The following WRAP53 variants were observed in gnomAD, a reference collection of about 807,000 sequenced individuals.
WRAP53 encodes the protein WD repeat containing antisense to TP53.
WRAP53 carries 28 observed loss-of-function variants against 56.6 expected under a neutral mutation model. The ratio of observed to expected loss-of-function variants is 0.50; its 90% CI spans 0.37 to 0.68. The LOEUF (loss-of-function observed/expected upper bound fraction) is 0.68, where lower values mean the gene tolerates loss of function less well. Among genes scored for constraint, WRAP53 ranks in the 30% least tolerant of loss-of-function variants. The pLI is 0.00. For missense variants in WRAP53, 671 were observed against 715.5 expected (o/e 0.94, Z 0.71); for synonymous variants, 283 against 283.4 (o/e 1.00, Z 0.01).
At chr17:7,696,364 T>A (rs2074185459) in intron 4 of WRAP53, among the ~76,000 whole-genome samples, 1 of 139,414 alleles carries the variant, frequency 7.2e-6, no homozygotes, top group African/African-American at 2.7e-5. Context: ...AGTGGCGCGA[T>A]CTGGGTTCAC....
rs903609263 is a variant in WRAP53 at position 7,702,133 on chromosome 17, G to T, written c.956-211G>T. ...TCTCTCCAAGGAAGAACTGGGATTT[G>T]AGAGGGATGAAGTGGGGCTTGGGCA... On this transcript the variant is annotated intron_variant, in intron 7 of 10. Transcript: ENST00000396463. The surrounding 1 kb of genome is among the most constrained non-coding windows in gnomAD (Gnocchi z 5.0). The T allele has an allele frequency of 2.4e-5, 17 of 697,352 alleles. No individual in the cohort carries two copies. Among genetic ancestry groups the T allele is most frequent in the Non-Finnish European group, 4.0e-5 (16 of 397,064 alleles). The allele number at this position is 697,352 out of a possible 1,614,324, so 43.2% of individuals were successfully genotyped here. A position where few individuals can be genotyped will look rare whatever the true frequency, so the allele number is the denominator to read the frequency against.
At chr17:7,689,544 G>C in intron 3 of WRAP53, 46 bp from the exon 4 acceptor site, 2 of 1,575,490 alleles carry the variant, frequency 1.3e-6, no homozygotes, top group Non-Finnish European at 1.7e-6. Flanking sequence ...CCCTACACTT[G>C]AAAAGCATAG....
upstream of WRAP53, chr17:7,687,740 G>T: frequency 2.5e-6 from 1 of 397,548 alleles, no homozygotes; most frequent in Non-Finnish European, 4.4e-6. Flanking sequence ...AGCTGTGAGG[G>T]CAGAATTGGT....
chr17:7,687,066 C>G (rs762768775), upstream of WRAP53: 81 of 371,418 alleles, frequency 2.2e-4, no homozygotes, highest in Non-Finnish European at 3.3e-4. Flanking sequence ...TTCCCTACGC[C>G]CAGCACCGGG....
chr17:7,698,687 C>G (rs2074217806), intron 4 of WRAP53, among the ~76,000 whole-genome samples: 1 of 151,842 alleles, frequency 6.6e-6, no homozygotes, highest in African/African-American at 2.4e-5. Flanking sequence ...CCAGCCTGGC[C>G]AAGATGGTGA....
At chr17:7,694,242 C>CTTTTTTTTTTTTTTTTTTTTTTTTTTT in intron 4 of WRAP53, among the ~76,000 whole-genome samples, 1 of 122,618 alleles carries the variant, frequency 8.2e-6, no homozygotes, top group Non-Finnish European at 1.6e-5. Context: ...TTTTTTCTTT[C>CTTTTTTTTTTTTTTTTTTTTTTTTTTT]TTTTTTTTTT....
rs1334843715 is a variant in WRAP53, at chr17:7,701,958, G to A, written c.955+169G>A. On this transcript the variant is annotated intron_variant, in intron 7 of 10. Transcript: ENST00000396463. The surrounding 1 kb of genome is among the most constrained non-coding windows in gnomAD (Gnocchi z 4.2). ...GGAGCAAACAGGCTCAGAGCAGGTA[G>A]GAAACCTTCCCAAGGCCAACCAGCT... The A allele has an allele frequency of 2.3e-5, 27 of 1,195,048 alleles. No homozygotes were observed. Among genetic ancestry groups the A allele is most frequent in the Non-Finnish European group, 3.1e-5 (26 of 836,302 alleles). 74.0% of individuals were successfully genotyped at this position (1,195,048 alleles called of 1,614,324 possible). A position where few individuals can be genotyped will look rare whatever the true frequency, so the allele number is the denominator to read the frequency against.
intron 4 of WRAP53, among the ~76,000 whole-genome samples, chr17:7,692,136 G>A (rs1329548154): frequency 1.3e-5 from 2 of 150,316 alleles, no homozygotes; most frequent in Non-Finnish European, 3.0e-5. Context: ...CACTGCGCCC[G>A]GCCAAGAGAG....
At position 7,700,760 on chromosome 17, in the gene WRAP53, T is replaced by TGGAA. The variant is rs1305400068; in HGVS notation, c.665_668dup (p.Asp224ArgfsTer2). ...GTATAGGTCCCTGTCCTTCGAATGG[T>TGGAA]GGAAGGTGATACCATCTATGATTAC... On this transcript the variant is annotated frameshift_variant, in exon 5 of 11. Coordinates refer to ENST00000396463, the MANE Select transcript of WRAP53 (RefSeq NM_001143992.2). LOFTEE classifies it high-confidence loss of function. 1.9e-6 allele frequency: 3 copies of TGGAA among 1,612,878 alleles called. No homozygotes were observed. The Admixed American group carries it at 5.0e-5, about 27-fold the overall frequency.
chr17:7,703,176 G>A (rs755858420), intron 10 of WRAP53, 49 bp downstream of exon 10: 85 of 1,613,420 alleles, frequency 5.3e-5, no homozygotes, highest in Non-Finnish European at 4.1e-5. Context: ...GGGGAGGGAG[G>A]TGAATCCCAG....
chr17:7,700,894 G>T, intron 5 of WRAP53, 65 bp downstream of exon 5: 1 of 1,245,558 alleles, frequency 8.0e-7, no homozygotes, highest in South Asian at 1.2e-5. Context: ...CCTCTTGGGA[G>T]AGTCAAGGGC....
chr17:7,702,403 C>A lies in WRAP53; in HGVS notation c.1015C>A (p.Leu339Ile). ...SCIAFSPAQPLYACGSYGRSL... is the reference protein window; with the variant it reads ...SCIAFSPAQPIYACGSYGRSL... ...CATAGCCTTCAGCCCAGCCCAGCCC[C>A]TCTATGCCTGTGGCTCCTACGGCCG... Residue 339 changes from leucine (L) to isoleucine (I), a missense_variant, in exon 8 of 11, where the codon CTC (leucine) becomes ATC (isoleucine). By Grantham distance (5) the Leu-to-Ile change is conservative. This residue lies in a region of WRAP53 where 158 missense variants were observed against 215.7 expected (regional missense o/e 0.73). Transcript: ENST00000396463. This position sits in a 1 kb window ranked among gnomAD's most constrained non-coding sequence, Gnocchi z 5.0. 6.2e-7 allele frequency: 1 copy of A among 1,614,180 alleles called. No individual in the cohort carries two copies. The highest frequency in any genetic ancestry group is 8.5e-7 in the Non-Finnish European group (1 of 1,180,032).
At position 7,688,786 on chromosome 17, in the gene WRAP53, A is replaced by G. The variant is rs142177444; in HGVS notation, c.138A>G (p.Glu46=). The G allele has an allele frequency of 1.7e-5, 27 of 1,613,996 alleles. No individual in the cohort carries two copies. The African/African-American group carries it at 3.3e-4, about 20-fold the overall frequency. Residue 46 remains glutamate, a synonymous_variant, in exon 2 of 11, where the codon GAA becomes GAG. Coordinates refer to ENST00000396463, the MANE Select transcript of WRAP53 (RefSeq NM_001143992.2). ...CTGAACTGATGCCACCGCCTCCCGAAAGGGGGGATCCGCCCCGGTTGTCCC... is the reference window on the plus strand; with the variant it reads ...CTGAACTGATGCCACCGCCTCCCGAGAGGGGGGATCCGCCCCGGTTGTCCC... The part of the protein sequence containing the change: ...ADSELMPPPP[E]RGDPPRLSPD...
Position 7,700,068 on chromosome 17 carries a change from G to T in WRAP53, c.643-673G>T, listed in dbSNP as rs187346412. ...TTCTTTTCTTTTTCTTTTTTTTTTG[G>T]GGGGCACTGTCTCTCTGTCACCTAG... is the stretch of plus-strand genomic sequence containing the variant. On this transcript the variant is annotated intron_variant, in intron 4 of 10. Transcript: ENST00000396463. Among the ~76,000 whole-genome samples, 487 of 149,436 alleles carry T rather than the reference G, an allele frequency of 3.3e-3. 2 individuals are homozygous for T. Among genetic ancestry groups the T allele is most frequent in the Middle Eastern group, 0.01 (3 of 290 alleles).
Position 7,701,668 on chromosome 17 carries a change from G to T in WRAP53, c.834G>T (p.Thr278=), listed in dbSNP as rs372166304. 8.1e-6 allele frequency: 13 copies of T among 1,614,108 alleles called. No individual in the cohort carries two copies. Among genetic ancestry groups the T allele is most frequent in the Non-Finnish European group, 1.7e-6 (2 of 1,180,058 alleles). ...FRAYNHLDEL[T]AAHSLCFSPD... ...TTTCCTTCCCCCAGGATGAGCTGACGGCAGCCCATTCGCTCTGCTTCTCCC... is the reference window on the plus strand; with the variant it reads ...TTTCCTTCCCCCAGGATGAGCTGACTGCAGCCCATTCGCTCTGCTTCTCCC... The change falls in exon 7 of 11, where the codon ACG becomes ACT. Residue 278 remains threonine (T), a synonymous_variant. Transcript: ENST00000396463. The surrounding 1 kb of genome is among the most constrained non-coding windows in gnomAD (Gnocchi z 4.2).
At chr17:7,696,867 C>T (rs948488272) in intron 4 of WRAP53, among the ~76,000 whole-genome samples, 1 of 152,062 alleles carries the variant, frequency 6.6e-6, no homozygotes, top group African/African-American at 2.4e-5. Flanking sequence ...GTTTGAGGAA[C>T]CTGTGGGATG....
At position 7,703,035 on chromosome 17, in the gene WRAP53, C is replaced by G. The variant is rs1208293623; in HGVS notation, c.1311C>G (p.Val437=). Residue 437 remains valine, a synonymous_variant, in exon 10 of 11, where the codon GTC becomes GTG. Transcript: ENST00000396463. ...FLVSGSTSGA[V]SVWDTDGPGN... ...TGAGTGGCAGCACGAGCGGGGCTGTCTCTGTGTGGGACACGGACGGGCCTG... is the reference window on the plus strand; with the variant it reads ...TGAGTGGCAGCACGAGCGGGGCTGTGTCTGTGTGGGACACGGACGGGCCTG... The G allele has an allele frequency of 1.1e-5, 18 of 1,613,962 alleles. No homozygotes were observed. The highest frequency in any genetic ancestry group is 1.5e-5 in the Non-Finnish European group (18 of 1,180,008).
intron 4 of WRAP53, among the ~76,000 whole-genome samples, chr17:7,698,937 T>A (rs1407484865): frequency 6.6e-6 from 1 of 151,790 alleles, no homozygotes; most frequent in East Asian, 1.9e-4. Context: ...ATGCTTATAT[T>A]CCCAGTTACT....
intron 4 of WRAP53, among the ~76,000 whole-genome samples, chr17:7,699,345 T>TGGGAG (rs772970455): frequency 2.4e-4 from 35 of 148,298 alleles, no homozygotes; most frequent in Non-Finnish European, 3.4e-4. Flanking sequence ...TGCTTGAACC[T>TGGGAG]GGGAGGTGGA....
Sources: gnomAD v4.1 joint callset for allele counts (sites outside exome capture counted in the v4.1 genomes callset) on GRCh38, gnomAD v4.1.1 for gene constraint, gnomAD v4.1.1 regional missense constraint, Gnocchi (gnomAD v3.1) non-coding constraint, MANE v1.5 for transcripts, NCBI Gene and HGNC (gene_info 2026-07-23, HGNC 2026-07-21) for gene names.